Variants in BACH2 observed in about 807,000 individuals in gnomAD.
BACH2 encodes BACH transcriptional regulator 2, also known as transcription regulator protein BACH2.
BACH2 carries 5 observed loss-of-function variants against 61.8 expected under a neutral mutation model. The observed-to-expected ratio is 0.08, with a 90% CI of 0.04 to 0.17. The LOEUF is 0.17. Ranked by LOEUF, BACH2 falls within the 10% of genes least tolerant of loss-of-function variation. BACH2 has a pLI of 1.00. For synonymous variants in BACH2, 446 were observed against 440.1 expected (o/e 1.01, Z -0.17); for missense variants, 824 against 1,091.1 (o/e 0.76, Z 3.45).
chr6:90,233,730 G>A (rs986379966), intron 3 of BACH2, among the ~76,000 whole-genome samples: 15 of 152,234 alleles, frequency 9.9e-5, no homozygotes, highest in Non-Finnish European at 1.9e-4. Context: ...AGGAACTGCT[G>A]GTGGCCAGTG....
intron 4 of BACH2, among the ~76,000 whole-genome samples, chr6:90,125,353 G>A (rs1435700147): frequency 6.6e-6 from 1 of 152,076 alleles, no homozygotes; most frequent in Non-Finnish European, 1.5e-5. Context: ...TAAGTATTTT[G>A]CATTTGCCTT....
chr6:90,226,514 A>C (rs375128321), intron 3 of BACH2, among the ~76,000 whole-genome samples: 2 of 152,226 alleles, frequency 1.3e-5, no homozygotes, highest in Non-Finnish European at 2.9e-5. Flanking sequence ...AGAGATGTGC[A>C]TAAACGACTC....
At chr6:90,181,423 G>A (rs1468774386) in intron 4 of BACH2, among the ~76,000 whole-genome samples, 3 of 151,916 alleles carry the variant, frequency 2.0e-5, no homozygotes, top group African/African-American at 7.2e-5. Context: ...GAAGGGAAAA[G>A]AGGAGGAGAG....
intron 4 of BACH2, among the ~76,000 whole-genome samples, chr6:90,177,118 AT>A (rs1445175560): frequency 6.6e-6 from 1 of 152,252 alleles, no homozygotes; most frequent in East Asian, 1.9e-4. Flanking sequence ...TAACACTATT[AT>A]TCATCTTCAA....
At chr6:90,220,542 C>T (rs1769704467) in intron 3 of BACH2, among the ~76,000 whole-genome samples, 1 of 152,192 alleles carries the variant, frequency 6.6e-6, no homozygotes, top group African/African-American at 2.4e-5. Context: ...CTTAAACCCA[C>T]AGCCCTTGTC....
chr6:90,217,480 G>C (rs1485454471), intron 3 of BACH2, among the ~76,000 whole-genome samples: 1 of 152,116 alleles, frequency 6.6e-6, no homozygotes, highest in Non-Finnish European at 1.5e-5. Context: ...TTGAAGAAAT[G>C]CATCATAACA....
intron 5 of BACH2, among the ~76,000 whole-genome samples, chr6:90,069,521 T>TCA (rs1562418989): frequency 6.6e-6 from 1 of 152,118 alleles, no homozygotes; most frequent in African/African-American, 2.4e-5. Flanking sequence ...ATAAAGACAA[T>TCA]CAGTTGCTGT....
intron 4 of BACH2, among the ~76,000 whole-genome samples, chr6:90,159,550 G>T (rs374599375): frequency 1.3e-4 from 20 of 152,282 alleles, no homozygotes; most frequent in African/African-American, 4.8e-4. Context: ...TATTGCTCAG[G>T]AAGGAAGTCC....
intron 2 of BACH2, among the ~76,000 whole-genome samples, chr6:90,255,930 T>C (rs1056556967): frequency 1.3e-5 from 2 of 152,212 alleles, no homozygotes; most frequent in East Asian, 1.9e-4. Context: ...GTTGTGACTA[T>C]GCCCTTCTCA....
In BACH2 at chr6:89,974,438, T is replaced by C. The variant is rs1162815668; in HGVS notation, c.244-22576A>G. On this transcript the variant is annotated intron_variant, in intron 6 of 8. Transcript: ENST00000257749. ...ATCACTGTGTTAGACACAAGGGATA[T>C]GCAAAAGATAAAACAGAGTCCTTTT... is the stretch of plus-strand genomic sequence containing the variant. Among the ~76,000 whole-genome samples the C allele has an allele frequency of 2.6e-5, 4 of 152,244 alleles. No individual in the cohort carries two copies. The East Asian group carries it at 7.7e-4, about 29-fold the overall frequency.
chr6:90,144,141 T>C (rs1282263500), intron 4 of BACH2, among the ~76,000 whole-genome samples: 1 of 152,212 alleles, frequency 6.6e-6, no homozygotes, highest in African/African-American at 2.4e-5. Context: ...AATAGGAATA[T>C]AGAGATGATT....
intron 4 of BACH2, among the ~76,000 whole-genome samples, chr6:90,090,591 G>A (rs1423297584): frequency 6.6e-6 from 1 of 152,090 alleles, no homozygotes; most frequent in Non-Finnish European, 1.5e-5. Flanking sequence ...TGAACAGCTT[G>A]CTGTTTTTGA....
intron 5 of BACH2, among the ~76,000 whole-genome samples, chr6:90,014,973 G>C (rs892947266): frequency 6.8e-6 from 1 of 147,710 alleles, no homozygotes; most frequent in Non-Finnish European, 1.5e-5. Context: ...AAGAGATGGA[G>C]TCTTACTATG....
At chr6:90,073,836 T>G (rs1279061301) in intron 5 of BACH2, among the ~76,000 whole-genome samples, 4 of 152,190 alleles carry the variant, frequency 2.6e-5, no homozygotes, top group Non-Finnish European at 5.9e-5. Context: ...ATGTCAGAAG[T>G]ATTTAGAGAA....
At chr6:90,187,859 T>C (rs1413163761) in intron 4 of BACH2, among the ~76,000 whole-genome samples, 1 of 152,214 alleles carries the variant, frequency 6.6e-6, no homozygotes, top group African/African-American at 2.4e-5. Context: ...AAGTACATTT[T>C]AGATAGAGGC....
chr6:89,935,484 C>T (rs555576682), intron 8 of BACH2, among the ~76,000 whole-genome samples: 3 of 152,240 alleles, frequency 2.0e-5, no homozygotes, highest in South Asian at 2.1e-4. Context: ...AATGAGGTGC[C>T]GCGTGTGACA....
intron 5 of BACH2, among the ~76,000 whole-genome samples, chr6:90,040,599 A>G (rs7774104): frequency 0.44 from 66,832 of 151,602 alleles, 17,391 homozygotes; most frequent in East Asian, 0.82. Flanking sequence ...CTGCATTCAC[A>G]TTAAATTTGT....
At chr6:90,055,017 T>A (rs1410822993) in intron 5 of BACH2, among the ~76,000 whole-genome samples, 3 of 151,874 alleles carry the variant, frequency 2.0e-5, no homozygotes, top group Admixed American at 2.0e-4. Context: ...ACCACAAAGA[T>A]GTGAAAAAAA....
intron 5 of BACH2, among the ~76,000 whole-genome samples, chr6:90,036,861 T>TC (rs1231065550): frequency 6.6e-6 from 1 of 152,118 alleles, no homozygotes; most frequent in East Asian, 1.9e-4. Flanking sequence ...TCCCTTATAC[T>TC]CCATCCCAGT....
Sources: gnomAD v4.1 joint callset for allele counts (sites outside exome capture counted in the v4.1 genomes callset) on GRCh38, gnomAD v4.1.1 for gene constraint, MANE v1.5 for transcripts, NCBI Gene and HGNC (gene_info 2026-07-23, HGNC 2026-07-21) for gene names.